Variants in HYAL4 observed in about 807,000 individuals in gnomAD.
The protein encoded by HYAL4 is hyaluronidase-4.
A neutral mutation model predicts 35.2 loss-of-function variants in HYAL4; 37 were observed. The ratio of observed to expected loss-of-function variants is 1.05; its 90% CI spans 0.81 to 1.38. The LOEUF (loss-of-function observed/expected upper bound fraction) is 1.38, where lower values mean the gene tolerates loss of function less well. HYAL4 is among the 40% of genes most tolerant of loss of function. The pLI, the probability that HYAL4 is intolerant of heterozygous loss-of-function variation, is 0.00. For synonymous variants in HYAL4, 198 were observed against 203.2 expected, an observed-to-expected ratio of 0.97 and a Z score of 0.22; for missense variants, 572 against 572.4, an observed-to-expected ratio of 1.00 and a Z score of 0.01.
rs1806776262 is a variant in HYAL4, at chr7:123,868,710, G to A, written c.437G>A (p.Trp146Ter). The A allele has an allele frequency of 1.2e-6, 2 of 1,613,552 alleles. No homozygotes were observed. The highest frequency in any genetic ancestry group is 8.5e-7 in the Non-Finnish European group (1 of 1,179,916). Residue 146 changes from tryptophan (W) to a stop codon, truncating the protein, a stop_gained, in exon 3 of 5, where the codon TGG becomes TAG. Transcript: ENST00000223026. LOFTEE classifies it high-confidence loss of function. ...TTCAGTGGACTTGCTGTTATAGATT[G>A]GGAATATTGGCGACCACAGTGGGCC... ...EDFSGLAVID[W>*]EYWRPQWARN...
At chr7:123,764,965 A>G in the HYAL4 span, among the ~76,000 whole-genome samples, 3 of 152,202 alleles carry the variant, frequency 2.0e-5, no homozygotes, top group Non-Finnish European at 2.9e-5. Flanking sequence ...ATATTCAACC[A>G]AAGTGTCAGA....
chr7:123,782,141 T>G, the HYAL4 span, among the ~76,000 whole-genome samples: 1 of 152,302 alleles, frequency 6.6e-6, no homozygotes, highest in Non-Finnish European at 1.5e-5. Flanking sequence ...TTGAAATCAT[T>G]TACAATGTGG....
chr7:123,791,052 A>G, the HYAL4 span, among the ~76,000 whole-genome samples: 1 of 152,194 alleles, frequency 6.6e-6, no homozygotes, highest in Non-Finnish European at 1.5e-5. Flanking sequence ...GTCAGGAGCC[A>G]CTGTGCCTGG....
the HYAL4 span, among the ~76,000 whole-genome samples, chr7:123,796,725 A>G: frequency 6.6e-6 from 1 of 152,338 alleles, no homozygotes; most frequent in Admixed American, 6.5e-5. Context: ...AGAATGTAGT[A>G]TATATATACA....
At chr7:123,774,552 C>G in the HYAL4 span, among the ~76,000 whole-genome samples, 1 of 152,092 alleles carries the variant, frequency 6.6e-6, no homozygotes, top group Non-Finnish European at 1.5e-5. Context: ...ATGGATCTCT[C>G]TTTTTCCCCT....
the HYAL4 span, among the ~76,000 whole-genome samples, chr7:123,788,862 G>T: frequency 0.071 from 10,883 of 152,218 alleles, 494 homozygotes; most frequent in East Asian, 0.15. Context: ...CATTAAAAAT[G>T]TAATTGTAAG....
At chr7:123,864,508 A>G (rs897229173) in intron 2 of HYAL4, among the ~76,000 whole-genome samples, 6 of 151,858 alleles carry the variant, frequency 4.0e-5, no homozygotes, top group Non-Finnish European at 8.8e-5. Context: ...TGGAAGGGGG[A>G]AGGGAGAAAG....
rs1234391806 is a variant in HYAL4 at position 123,868,233 on chromosome 7, G to C, written c.-41G>C. Reference sequence around the variant, plus strand: ...TAAATCTCTCCACAGGTCTTCTAGAGTGCACTAAAGCAGAAGATAACGTAA... The same window carrying C: ...TAAATCTCTCCACAGGTCTTCTAGACTGCACTAAAGCAGAAGATAACGTAA... On this transcript the variant is annotated 5_prime_UTR_variant, in exon 3 of 5. Coordinates refer to ENST00000223026, the MANE Select transcript of HYAL4 (RefSeq NM_012269.3). 8.8e-7 allele frequency: 1 copy of C among 1,130,122 alleles called. No homozygotes were observed. The highest frequency in any genetic ancestry group is 1.6e-5 in the African/African-American group (1 of 64,294). The allele number at this position is 1,130,122 out of a possible 1,614,324, so 70.0% of individuals were successfully genotyped here.
chr7:123,837,006 C>T (rs917735714), intron 1 of HYAL4, among the ~76,000 whole-genome samples: 2 of 149,810 alleles, frequency 1.3e-5, no homozygotes, highest in Admixed American at 6.7e-5. Flanking sequence ...GGCAACAAAG[C>T]GAGACTACAT....
chr7:123,786,180 T>G, the HYAL4 span, among the ~76,000 whole-genome samples: 1 of 152,178 alleles, frequency 6.6e-6, no homozygotes, highest in Non-Finnish European at 1.5e-5. Context: ...AAATACAGAC[T>G]GTGCTTTAAG....
the HYAL4 span, among the ~76,000 whole-genome samples, chr7:123,777,328 A>G: frequency 6.6e-6 from 1 of 152,094 alleles, no homozygotes; most frequent in African/African-American, 2.4e-5. Context: ...TTTTATATTG[A>G]TAACATATTG....
the HYAL4 span, among the ~76,000 whole-genome samples, chr7:123,777,886 T>G: frequency 6.6e-6 from 1 of 151,946 alleles, no homozygotes; most frequent in South Asian, 2.1e-4. Context: ...AATGAGAAAT[T>G]TAAGAAAGAA....
At chr7:123,791,280 C>T in the HYAL4 span, among the ~76,000 whole-genome samples, 85 of 152,148 alleles carry the variant, frequency 5.6e-4, no homozygotes, top group Non-Finnish European at 1.1e-3. Flanking sequence ...TCAACATGGG[C>T]ATGTTGTTCA....
At chr7:123,857,713 C>T (rs866890226) in intron 2 of HYAL4, among the ~76,000 whole-genome samples, 1 of 122,894 alleles carries the variant, frequency 8.1e-6, no homozygotes, top group African/African-American at 2.8e-5. Context: ...TTCTTTCTTT[C>T]TTTCTTTCTT....
intron 3 of HYAL4, among the ~76,000 whole-genome samples, chr7:123,871,039 G>A (rs990381053): frequency 6.6e-6 from 1 of 151,998 alleles, no homozygotes; most frequent in African/African-American, 2.4e-5. Context: ...CTACAGCCAC[G>A]GAAATGCTTT....
chr7:123,867,367 A>G (rs964401309), intron 2 of HYAL4, among the ~76,000 whole-genome samples: 2 of 152,218 alleles, frequency 1.3e-5, no homozygotes, highest in African/African-American at 2.4e-5. Context: ...GACTTGGTCA[A>G]CAGGCAAGTG....
intron 1 of HYAL4, among the ~76,000 whole-genome samples, chr7:123,839,883 C>T (rs1806025437): frequency 6.6e-6 from 1 of 151,844 alleles, no homozygotes; most frequent in Non-Finnish European, 1.5e-5. Context: ...GATTCTGGAT[C>T]TTAGCCCTTT....
At chr7:123,811,051 A>G in the HYAL4 span, among the ~76,000 whole-genome samples, 1 of 152,142 alleles carries the variant, frequency 6.6e-6, no homozygotes, top group Non-Finnish European at 1.5e-5. Flanking sequence ...ATAATATTCC[A>G]TTATCTGGAT....
At chr7:123,792,171 A>G in the HYAL4 span, among the ~76,000 whole-genome samples, 2 of 152,354 alleles carry the variant, frequency 1.3e-5, no homozygotes, top group Admixed American at 6.5e-5. Context: ...TCAAGGTATC[A>G]ATAAATTCTT....
Sources: gnomAD v4.1 joint callset for allele counts (sites outside exome capture counted in the v4.1 genomes callset) on GRCh38, gnomAD v4.1.1 for gene constraint, MANE v1.5 for transcripts, NCBI Gene and HGNC (gene_info 2026-07-23, HGNC 2026-07-21) for gene names.